The following NIPSNAP2 variants were observed in gnomAD, a reference collection of about 807,000 sequenced individuals.
NIPSNAP2 encodes nipsnap homolog 2.
Under a neutral mutation model 48.4 loss-of-function variants are expected in NIPSNAP2, and 42 were observed. The ratio of observed to expected loss-of-function variants is 0.87; its 90% CI spans 0.68 to 1.12. NIPSNAP2 has a LOEUF of 1.12. Among genes scored for constraint, NIPSNAP2 ranks in the 50% most tolerant of loss-of-function variants. The probability of loss-of-function intolerance (pLI) is 0.00; values close to 1 mark genes in which losing one functional copy is unlikely to be tolerated. For synonymous variants in NIPSNAP2, 158 were observed against 126.6 expected, an observed-to-expected ratio of 1.25 and a Z score of -1.67; for missense variants, 314 against 347.3, an observed-to-expected ratio of 0.90 and a Z score of 0.76.
At chr7:55,979,729 T>A (rs1427531436) in intron 3 of NIPSNAP2, 2 of 455,096 alleles carry the variant, frequency 4.4e-6, no homozygotes, top group South Asian at 3.1e-5. Flanking sequence ...TCTTTTTTCA[T>A]CACGTTTTTT....
At chr7:55,968,578 G>A (rs769185042) in intron 1 of NIPSNAP2, among the ~76,000 whole-genome samples, 1 of 151,902 alleles carries the variant, frequency 6.6e-6, no homozygotes, top group South Asian at 2.1e-4. Flanking sequence ...AATAGAGATG[G>A]GGTTTCACCA....
At chr7:55,998,934 ATCTG>A in intron 9 of NIPSNAP2, 70 bp from the exon 10 acceptor site, 2 of 1,219,116 alleles carry the variant, frequency 1.6e-6, no homozygotes, top group Non-Finnish European at 1.2e-6. Context: ...ATTCTCGGCA[ATCTG>A]TCTGTTAGTG....
At chr7:55,973,759 A>G (rs1332796621) in intron 1 of NIPSNAP2, among the ~76,000 whole-genome samples, 1 of 151,816 alleles carries the variant, frequency 6.6e-6, no homozygotes, top group Non-Finnish European at 1.5e-5. Flanking sequence ...GCTGGGATTT[A>G]GAAGCGTGAG....
intron 7 of NIPSNAP2, among the ~76,000 whole-genome samples, chr7:55,985,384 A>G (rs184953788): frequency 6.6e-6 from 1 of 152,228 alleles, no homozygotes; most frequent in East Asian, 1.9e-4. Flanking sequence ...CAATTTTTCC[A>G]CAAGTTGATA....
At chr7:55,965,245 C>T (rs1786868275) in intron 1 of NIPSNAP2, 1 of 152,290 alleles carries the variant, frequency 6.6e-6, no homozygotes, top group Admixed American at 6.5e-5. Flanking sequence ...GGTCAAATCA[C>T]TTAACGTCTT....
At position 55,983,744 on chromosome 7, in the gene NIPSNAP2, G is replaced by GT. The variant is rs759430517; in HGVS notation, c.462dup (p.Lys155Ter). ...CACTCAAAGGAATTTTTGGAATTTC[G>GT]TAAGGCAAGAAGTGACATGCTTCTC... On this transcript the variant is annotated frameshift_variant, in exon 6 of 10. Coordinates refer to ENST00000322090, the MANE Select transcript of NIPSNAP2 (RefSeq NM_001483.3). LOFTEE classifies it high-confidence loss of function. The GT allele has an allele frequency of 5.6e-6, 9 of 1,612,852 alleles. No homozygotes were observed. Among genetic ancestry groups the GT allele is most frequent in the African/African-American group, 1.3e-5 (1 of 74,804 alleles).
At chr7:55,974,558 A>G (rs1014404418) in intron 1 of NIPSNAP2, among the ~76,000 whole-genome samples, 8 of 151,902 alleles carry the variant, frequency 5.3e-5, no homozygotes, top group African/African-American at 1.2e-4. Flanking sequence ...TAGAAATACT[A>G]TTGTAGAAGG....
At chr7:55,969,087 T>G (rs200190432) in intron 1 of NIPSNAP2, among the ~76,000 whole-genome samples, 67 of 151,962 alleles carry the variant, frequency 4.4e-4, no homozygotes, top group South Asian at 2.1e-3. Context: ...CAAATATATA[T>G]AGAGAAAAAC....
chr7:55,997,011 TTAGCCAATGTGG>T (rs1479314166), intron 8 of NIPSNAP2, among the ~76,000 whole-genome samples: 8 of 152,140 alleles, frequency 5.3e-5, no homozygotes, highest in African/African-American at 1.9e-4. Flanking sequence ...AATACAAAAA[TTAGCCAATGTGG>T]TAGCACATTC....
chr7:55,983,135 C>CAA (rs139890754), intron 5 of NIPSNAP2, among the ~76,000 whole-genome samples: 3 of 151,574 alleles, frequency 2.0e-5, no homozygotes, highest in Non-Finnish European at 1.5e-5. Flanking sequence ...AAAAACAACA[C>CAA]AAAAAAAACC....
intron 5 of NIPSNAP2, among the ~76,000 whole-genome samples, chr7:55,983,194 A>G (rs1367799783): frequency 6.6e-6 from 1 of 152,188 alleles, no homozygotes. Flanking sequence ...AGGCACAATT[A>G]GCTCTGGATG....
chr7:55,964,753 C>A, intron 1 of NIPSNAP2, 52 bp downstream of exon 1: 2 of 948,280 alleles, frequency 2.1e-6, no homozygotes, highest in South Asian at 5.0e-5. Flanking sequence ...CGCCGCGAGG[C>A]GGAGGGCGCG....
Position 55,983,877 on chromosome 7 carries a change from A to T in NIPSNAP2, c.585+9A>T, listed in dbSNP as rs749640855. 53 of 1,609,926 alleles carry T rather than the reference A, an allele frequency of 3.3e-5. No homozygotes were observed. Among genetic ancestry groups the T allele is most frequent in the Non-Finnish European group, 1.1e-5 (13 of 1,178,258 alleles). ...GGTCTTACCAACTCCGAGTAAGTAC[A>T]GAAATATAAGTTATTCCTTTTACTC... On this transcript the variant is annotated intron_variant, in intron 6 of 9. Coordinates refer to ENST00000322090, the MANE Select transcript of NIPSNAP2 (RefSeq NM_001483.3).
Position 55,994,946 on chromosome 7 carries a change from T to C in NIPSNAP2, c.670T>C (p.Phe224Leu), listed in dbSNP as rs541689221. ...QDGNEAVGGF[F>L]SQIGQLYMVH... Reference sequence around the variant, plus strand: ...TGGTAACGAAGCCGTCGGAGGATTCTTCTCTCAGATTGGGCAGCTGTACAT... The same window carrying C: ...TGGTAACGAAGCCGTCGGAGGATTCCTCTCTCAGATTGGGCAGCTGTACAT... Residue 224 changes from phenylalanine (F) to leucine (L), a missense_variant, in exon 8 of 10, where the codon TTC (phenylalanine) becomes CTC (leucine). Physicochemically the swap from Phe to Leu is conservative, Grantham distance 22. Around this residue, in one of 2 missense-constraint regions of NIPSNAP2, gnomAD observed 116 missense variants for 161.8 expected, o/e 0.72. Coordinates refer to ENST00000322090, the MANE Select transcript of NIPSNAP2 (RefSeq NM_001483.3). 1.2e-6 allele frequency: 2 copies of C among 1,614,214 alleles called. No individual in the cohort carries two copies. The highest frequency in any genetic ancestry group is 1.7e-6 in the Non-Finnish European group (2 of 1,180,042).
chr7:55,967,722 C>G (rs905882156), intron 1 of NIPSNAP2, among the ~76,000 whole-genome samples: 2 of 151,798 alleles, frequency 1.3e-5, no homozygotes, highest in African/African-American at 2.4e-5. Context: ...GATCTCGGCT[C>G]CCTGCAACCT....
intron 7 of NIPSNAP2, among the ~76,000 whole-genome samples, chr7:55,987,681 A>T (rs1377483377): frequency 6.6e-6 from 1 of 152,186 alleles, no homozygotes; most frequent in Non-Finnish European, 1.5e-5. Flanking sequence ...GTGAACATTG[A>T]GGAGGATGTA....
intron 5 of NIPSNAP2, 39 bp downstream of exon 5, chr7:55,982,319 T>C (rs1488508471): frequency 5.2e-6 from 6 of 1,158,584 alleles, no homozygotes; most frequent in East Asian, 4.9e-5. Context: ...ACTAATGATA[T>C]ATAGATGTTA....
At chr7:55,966,044 A>C (rs1393066745) in intron 1 of NIPSNAP2, among the ~76,000 whole-genome samples, 1 of 152,212 alleles carries the variant, frequency 6.6e-6, no homozygotes, top group Admixed American at 6.6e-5. Context: ...GTTGAGAGAC[A>C]TCAGTGAATA....
intron 7 of NIPSNAP2, chr7:55,991,714 C>T (rs952010936): frequency 1.8e-5 from 3 of 171,020 alleles, no homozygotes; most frequent in Admixed American, 1.3e-4. Flanking sequence ...CACCATTGTA[C>T]TCCACCGTGG....
Sources: allele counts gnomAD v4.1 joint callset (sites outside exome capture counted in the v4.1 genomes callset), GRCh38; gene constraint gnomAD v4.1.1; regional missense constraint gnomAD v4.1.1; transcripts MANE v1.5; gene names NCBI Gene and HGNC (gene_info 2026-07-23, HGNC 2026-07-21).